Variants in FAF1 observed in about 807,000 individuals in gnomAD.
The protein encoded by FAF1 is FAS-associated factor 1.
Under a neutral mutation model 92.5 loss-of-function variants are expected in FAF1, and 25 were observed. The ratio of observed to expected loss-of-function variants is 0.27; its 90% CI spans 0.20 to 0.38. The LOEUF (loss-of-function observed/expected upper bound fraction) is 0.38, where lower values mean the gene tolerates loss of function less well. Ranked by LOEUF, FAF1 falls within the 10% of genes least tolerant of loss-of-function variation. The pLI is 1.00. For missense variants in FAF1, 636 were observed against 793.3 expected, an observed-to-expected ratio of 0.80 and a Z score of 2.38; for synonymous variants, 234 against 273.2, an observed-to-expected ratio of 0.86 and a Z score of 1.42.
intron 18 of FAF1, among the ~76,000 whole-genome samples, chr1:50,465,886 G>A (rs1646488087): frequency 6.6e-6 from 1 of 152,166 alleles, no homozygotes; most frequent in Admixed American, 6.5e-5. Context: ...TCATGGTGTT[G>A]TACAAATAGC....
chr1:50,544,941 G>A (rs1303058938), intron 13 of FAF1, among the ~76,000 whole-genome samples: 2 of 152,030 alleles, frequency 1.3e-5, no homozygotes, highest in African/African-American at 2.4e-5. Context: ...GTAACAAGGA[G>A]GTTACTATAG....
At chr1:50,731,843 T>C (rs1658938173) in intron 6 of FAF1, among the ~76,000 whole-genome samples, 2 of 152,106 alleles carry the variant, frequency 1.3e-5, no homozygotes, top group Non-Finnish European at 2.9e-5. Context: ...AAATTATCTG[T>C]AGGATCCAAA....
chr1:50,835,659 A>G (rs7530687), intron 2 of FAF1, among the ~76,000 whole-genome samples: 138 of 152,218 alleles, frequency 9.1e-4, no homozygotes, highest in African/African-American at 3.3e-3. Flanking sequence ...TGGAGACACC[A>G]TCTAAACACG....
intron 3 of FAF1, among the ~76,000 whole-genome samples, chr1:50,800,235 A>G (rs1234477555): frequency 6.6e-6 from 1 of 152,232 alleles, no homozygotes. Context: ...CAGTTCACCT[A>G]TGGCAAATGC....
chr1:50,873,347 C>T (rs1644544115), intron 1 of FAF1, among the ~76,000 whole-genome samples: 3 of 152,142 alleles, frequency 2.0e-5, no homozygotes, highest in Non-Finnish European at 4.4e-5. Context: ...TTGAGGCTAA[C>T]GATGCCTTTT....
intron 6 of FAF1, among the ~76,000 whole-genome samples, chr1:50,709,600 T>C (rs1373823470): frequency 6.6e-6 from 1 of 152,120 alleles, no homozygotes; most frequent in Non-Finnish European, 1.5e-5. Context: ...GAACTAATTG[T>C]CCCTGGTCAT....
chr1:50,612,345 T>G, intron 8 of FAF1: 1 of 1,244,794 alleles, frequency 8.0e-7, no homozygotes, highest in South Asian at 1.3e-5. Context: ...AGCAGATTCC[T>G]CATTTTATTA....
At chr1:50,742,743 A>G (rs1280890857) in intron 5 of FAF1, among the ~76,000 whole-genome samples, 3 of 152,100 alleles carry the variant, frequency 2.0e-5, no homozygotes, top group Non-Finnish European at 2.9e-5. Flanking sequence ...ACAAAAGCGA[A>G]CTCATTTTGG....
intron 17 of FAF1, among the ~76,000 whole-genome samples, chr1:50,487,176 G>A (rs1451134670): frequency 6.6e-6 from 1 of 152,172 alleles, no homozygotes; most frequent in African/African-American, 2.4e-5. Context: ...TATAGGAAAC[G>A]TTGCTCTAAA....
chr1:50,472,142 C>G (rs1408367172), intron 18 of FAF1, among the ~76,000 whole-genome samples: 5 of 151,886 alleles, frequency 3.3e-5, no homozygotes, highest in Admixed American at 3.3e-4. Context: ...TGGCAGCAAT[C>G]CCTTACTCTA....
rs1015517429 is a variant in FAF1 at position 50,827,573 on chromosome 1, T to A, written c.115-25896A>T. Among the ~76,000 whole-genome samples, 9 of 151,918 alleles carry A rather than the reference T, an allele frequency of 5.9e-5. No individual in the cohort carries two copies. The East Asian group carries it at 1.2e-3, about 20-fold the overall frequency. On this transcript the variant is annotated intron_variant, in intron 2 of 18. Coordinates refer to ENST00000396153, the MANE Select transcript of FAF1 (RefSeq NM_007051.3). ...TCTGCTGACCTTCTCTCCACTATTA[T>A]CCTATGACCCTGCCACATCCCCCTC...
intron 8 of FAF1, among the ~76,000 whole-genome samples, chr1:50,622,839 A>G (rs1653276958): frequency 6.6e-6 from 1 of 152,152 alleles, no homozygotes; most frequent in African/African-American, 2.4e-5. Flanking sequence ...GTTTGATAGT[A>G]TACCTGTGCA....
intron 7 of FAF1, among the ~76,000 whole-genome samples, chr1:50,673,748 C>A (rs1175251915): frequency 6.6e-6 from 1 of 152,084 alleles, no homozygotes; most frequent in Non-Finnish European, 1.5e-5. Context: ...TAGGTATATT[C>A]ATATATCCAT....
intron 3 of FAF1, among the ~76,000 whole-genome samples, chr1:50,794,911 A>T (rs1661691520): frequency 6.6e-6 from 1 of 151,648 alleles, no homozygotes; most frequent in Admixed American, 6.6e-5. Context: ...TGCTGGGATT[A>T]CAGGCGTGAG....
chr1:50,693,736 A>G (rs1657043807), intron 7 of FAF1, among the ~76,000 whole-genome samples: 1 of 152,202 alleles, frequency 6.6e-6, no homozygotes, highest in South Asian at 2.1e-4. Flanking sequence ...GGATTAAAAG[A>G]TTACTTACAT....
chr1:50,463,832 C>T (rs1646461807), intron 18 of FAF1, among the ~76,000 whole-genome samples: 2 of 152,134 alleles, frequency 1.3e-5, no homozygotes, highest in South Asian at 4.1e-4. Flanking sequence ...AGGCTCAGGC[C>T]CAACTGTTCT....
At chr1:50,772,618 A>C (rs979427341) in intron 4 of FAF1, among the ~76,000 whole-genome samples, 2 of 152,202 alleles carry the variant, frequency 1.3e-5, no homozygotes, top group African/African-American at 4.8e-5. Context: ...CAAATATTGC[A>C]TGTTTTCACT....
chr1:50,541,841 G>A (rs867472658), intron 13 of FAF1, among the ~76,000 whole-genome samples: 22 of 152,088 alleles, frequency 1.4e-4, no homozygotes, highest in African/African-American at 5.3e-4. Flanking sequence ...ACATAATTTT[G>A]CCTGGAAATT....
At chr1:50,575,188 G>A (rs933921658) in intron 12 of FAF1, among the ~76,000 whole-genome samples, 2 of 152,134 alleles carry the variant, frequency 1.3e-5, no homozygotes, top group South Asian at 2.1e-4. Context: ...GATTACAGGC[G>A]TGAGCCACTG....
Sources: allele counts gnomAD v4.1 joint callset (sites outside exome capture counted in the v4.1 genomes callset), GRCh38; gene constraint gnomAD v4.1.1; transcripts MANE v1.5; gene names NCBI Gene and HGNC (gene_info 2026-07-23, HGNC 2026-07-21).